SLC4A4: variants seen among roughly 807,000 people sequenced by gnomAD.
SLC4A4 encodes the protein electrogenic sodium bicarbonate cotransporter 1.
A neutral mutation model predicts 111.5 loss-of-function variants in SLC4A4; 27 were observed. That is an observed-to-expected ratio of 0.24 (90% confidence interval 0.18 to 0.33). The LOEUF (loss-of-function observed/expected upper bound fraction) is 0.33. Among genes scored for constraint, SLC4A4 ranks in the 10% least tolerant of loss-of-function variants. SLC4A4 has a pLI of 1.00. For synonymous variants in SLC4A4, 443 were observed against 463.4 expected (o/e 0.96, Z 0.57); for missense variants, 909 against 1,315.5 (o/e 0.69, Z 4.78).
chr4:71,263,697 CT>C (rs918713144), intron 3 of SLC4A4, among the ~76,000 whole-genome samples: 4 of 151,792 alleles, frequency 2.6e-5, no homozygotes, highest in Non-Finnish European at 5.9e-5. Context: ...CAGGAAAAGT[CT>C]TTTTTTTATG....
chr4:71,345,087 A>T (rs1729207741), intron 4 of SLC4A4, among the ~76,000 whole-genome samples: 1 of 152,100 alleles, frequency 6.6e-6, no homozygotes, highest in South Asian at 2.1e-4. Context: ...TAGAACTTTG[A>T]ATTTTCAGTG....
chr4:71,312,414 T>A (rs941350807), intron 3 of SLC4A4, among the ~76,000 whole-genome samples: 1 of 152,208 alleles, frequency 6.6e-6, no homozygotes, highest in Non-Finnish European at 1.5e-5. Flanking sequence ...CCTCCCTAAC[T>A]CATTTTATAA....
At position 71,156,584 on chromosome 4, in the gene SLC4A4, G is replaced by GCACA. The variant is rs1197617607; in HGVS notation, c.-2+63793_-2+63794insACAC. The stretch of plus-strand genomic sequence containing the variant: ...AGTGTGTGCGCGCATGCGCGCGCGC[G>GCACA]CGCGCACACACACACACACACACAC... On this transcript the variant is annotated intron_variant, in intron 2 of 26. Transcript: ENST00000649996. Among the ~76,000 whole-genome samples, 17 of 112,494 alleles carry GCACA rather than the reference G, an allele frequency of 1.5e-4. 1 individual carries two copies. The highest frequency in any genetic ancestry group is 8.1e-4 in the South Asian group (2 of 2,454). 73.8% of individuals were successfully genotyped at this position (112,494 alleles called of 152,430 possible).
chr4:71,525,949 A>G (rs1733378587), intron 16 of SLC4A4, among the ~76,000 whole-genome samples: 1 of 152,030 alleles, frequency 6.6e-6, no homozygotes, highest in South Asian at 2.1e-4. Context: ...GAAGGGCCCA[A>G]AGAGAGCAGT....
chr4:71,338,133 A>AT (rs1359216530), intron 3 of SLC4A4, among the ~76,000 whole-genome samples: 1 of 152,044 alleles, frequency 6.6e-6, no homozygotes, highest in African/African-American at 2.4e-5. Flanking sequence ...GCGCCCTGCC[A>AT]TTTTTTGACA....
chr4:71,201,972 A>G (rs749573031), intron 1 of SLC4A4, among the ~76,000 whole-genome samples: 5 of 152,156 alleles, frequency 3.3e-5, no homozygotes, highest in Admixed American at 6.5e-5. Context: ...TAGATAAGCA[A>G]TCTCTGAGTT....
intron 3 of SLC4A4, among the ~76,000 whole-genome samples, chr4:71,283,401 G>A (rs748659218): frequency 1.3e-5 from 2 of 152,130 alleles, no homozygotes; most frequent in Non-Finnish European, 2.9e-5. Flanking sequence ...TCTCTTTCTT[G>A]TTGTCAGAGT....
chr4:71,078,817 T>C (rs1741915720), intron 1 of SLC4A4, among the ~76,000 whole-genome samples: 1 of 151,878 alleles, frequency 6.6e-6, no homozygotes, highest in South Asian at 2.1e-4. Context: ...TGTTTTTTAT[T>C]GTTTGTTTGT....
chr4:71,063,449 C>G (rs1276298869), intron 1 of SLC4A4, among the ~76,000 whole-genome samples: 4 of 151,964 alleles, frequency 2.6e-5, no homozygotes, highest in Non-Finnish European at 5.9e-5. Flanking sequence ...TTATCATTCT[C>G]TCATAACTAA....
chr4:71,218,639 T>G (rs931351607), intron 1 of SLC4A4, among the ~76,000 whole-genome samples: 7 of 152,192 alleles, frequency 4.6e-5, no homozygotes, highest in Admixed American at 1.3e-4. Context: ...TCTATATGGG[T>G]TGTATCACTT....
At chr4:71,158,669 C>T (rs147317005) in intron 2 of SLC4A4, among the ~76,000 whole-genome samples, 5 of 152,120 alleles carry the variant, frequency 3.3e-5, no homozygotes, top group Admixed American at 2.6e-4. Context: ...TGTTGGCAGG[C>T]GCTTCTTCTA....
chr4:71,362,748 A>T (rs1335892411), intron 6 of SLC4A4, among the ~76,000 whole-genome samples: 4 of 152,082 alleles, frequency 2.6e-5, no homozygotes, highest in African/African-American at 7.2e-5. Context: ...GGGGGTCCTA[A>T]ATCACACTGG....
upstream of SLC4A4, among the ~76,000 whole-genome samples, chr4:71,183,422 G>A (rs1745363431): frequency 6.6e-6 from 1 of 152,154 alleles, no homozygotes; most frequent in African/African-American, 2.4e-5. Flanking sequence ...TCATAAAAAG[G>A]GGCTACAGGT....
chr4:71,311,890 TGAGAGAGAGAGAGAGA>T (rs761331086), intron 3 of SLC4A4, among the ~76,000 whole-genome samples: 19 of 76,540 alleles, frequency 2.5e-4, no homozygotes, highest in South Asian at 1.6e-3. Flanking sequence ...TGCAAGGCTG[TGAGAGAGAGAGAGAGA>T]GAGAGAGAGA....
chr4:71,545,840 G>A (rs1466824217), intron 18 of SLC4A4, among the ~76,000 whole-genome samples: 1 of 151,970 alleles, frequency 6.6e-6, no homozygotes, highest in Non-Finnish European at 1.5e-5. Flanking sequence ...CAGTAGAGAA[G>A]GCAGGGTGCC....
At chr4:71,454,264 T>G (rs1328011403) in intron 12 of SLC4A4, among the ~76,000 whole-genome samples, 1 of 152,232 alleles carries the variant, frequency 6.6e-6, no homozygotes, top group Non-Finnish European at 1.5e-5. Flanking sequence ...GTTGGTTACT[T>G]CTCAGATAGC....
chr4:71,518,421 A>C (rs922071528), intron 16 of SLC4A4, among the ~76,000 whole-genome samples: 2 of 151,898 alleles, frequency 1.3e-5, no homozygotes, highest in Admixed American at 1.3e-4. Flanking sequence ...TATGCATGGT[A>C]CTTACCTGGT....
At chr4:71,566,895 CT>C (rs1737521024) in intron 24 of SLC4A4, 108 bp from the exon 25 acceptor site, 1 of 803,360 alleles carries the variant, frequency 1.2e-6, no homozygotes, top group Non-Finnish European at 2.0e-6. Context: ...CTAAACTTGT[CT>C]TTTTTACTCT....
intron 7 of SLC4A4, among the ~76,000 whole-genome samples, chr4:71,423,509 C>G (rs1258804689): frequency 6.6e-6 from 1 of 152,088 alleles, no homozygotes; most frequent in South Asian, 2.1e-4. Flanking sequence ...TCATATGGAA[C>G]CAAAAAAGAG....
Sources: allele counts gnomAD v4.1 joint callset (sites outside exome capture counted in the v4.1 genomes callset), GRCh38; gene constraint gnomAD v4.1.1; transcripts MANE v1.5; gene names NCBI Gene and HGNC (gene_info 2026-07-23, HGNC 2026-07-21).